The following GUCY1A2 variants were observed in gnomAD, a reference collection of about 807,000 sequenced individuals.
GUCY1A2 encodes the protein guanylate cyclase 1 soluble subunit alpha 2, also known as guanylate cyclase soluble subunit alpha-2.
A neutral mutation model predicts 63.5 loss-of-function variants in GUCY1A2; 27 were observed. The ratio of observed to expected loss-of-function variants is 0.43; its 90% confidence interval spans 0.31 to 0.59. GUCY1A2 has a LOEUF of 0.59. Ranked by LOEUF, GUCY1A2 falls within the 20% of genes least tolerant of loss-of-function variation. GUCY1A2 has a pLI of 0.11. For synonymous variants in GUCY1A2, 364 were observed against 343.5 expected (o/e 1.06, Z -0.66); for missense variants, 768 against 913.3 (o/e 0.84, Z 2.05).
At chr11:106,946,111 G>A (rs1860824788) in intron 3 of GUCY1A2, among the ~76,000 whole-genome samples, 1 of 152,214 alleles carries the variant, frequency 6.6e-6, no homozygotes, top group South Asian at 2.1e-4. Context: ...GGAGAAGGTA[G>A]AGAGGAGAAA....
At chr11:106,861,145 AG>A (rs1859506246) in intron 4 of GUCY1A2, among the ~76,000 whole-genome samples, 1 of 151,998 alleles carries the variant, frequency 6.6e-6, no homozygotes, top group Admixed American at 6.6e-5. Flanking sequence ...AGATAAACCC[AG>A]TCTCTAGTTT....
chr11:106,988,161 G>T (rs1470874074), intron 1 of GUCY1A2, among the ~76,000 whole-genome samples: 1 of 152,226 alleles, frequency 6.6e-6, no homozygotes. Flanking sequence ...AATCTAAAGA[G>T]AATGAATCAG....
chr11:106,882,268 G>A (rs1859834481), intron 4 of GUCY1A2, among the ~76,000 whole-genome samples: 1 of 152,018 alleles, frequency 6.6e-6, no homozygotes, highest in African/African-American at 2.4e-5. Flanking sequence ...AATTTGTAGA[G>A]ATGTGGAGAT....
chr11:106,769,941 T>C (rs914424650), intron 6 of GUCY1A2, among the ~76,000 whole-genome samples: 1 of 152,084 alleles, frequency 6.6e-6, no homozygotes, highest in Non-Finnish European at 1.5e-5. Flanking sequence ...CTTAGAAAAT[T>C]AATTAGGTTA....
intron 6 of GUCY1A2, among the ~76,000 whole-genome samples, chr11:106,712,830 CCT>C (rs1863143401): frequency 6.6e-6 from 1 of 152,158 alleles, no homozygotes; most frequent in Non-Finnish European, 1.5e-5. Context: ...TTTTCCAAGT[CCT>C]GTATAAGTGC....
intron 3 of GUCY1A2, among the ~76,000 whole-genome samples, chr11:106,970,566 C>G (rs746435959): frequency 1.3e-5 from 2 of 152,062 alleles, no homozygotes; most frequent in Non-Finnish European, 2.9e-5. Context: ...TGGCTAAAAT[C>G]TAAAAAATGG....
chr11:106,941,884 C>T (rs559459712), intron 3 of GUCY1A2, among the ~76,000 whole-genome samples: 2 of 152,218 alleles, frequency 1.3e-5, no homozygotes, highest in South Asian at 4.2e-4. Flanking sequence ...ATAAGCATTT[C>T]ATATTCATTT....
chr11:107,015,588 A>C (rs1194350803), intron 1 of GUCY1A2, among the ~76,000 whole-genome samples: 4 of 146,666 alleles, frequency 2.7e-5, no homozygotes, highest in Non-Finnish European at 5.9e-5. Flanking sequence ...AAAAAAAAAA[A>C]AAAAAAAAAA....
At chr11:106,975,393 T>G (rs1237463723) in intron 3 of GUCY1A2, among the ~76,000 whole-genome samples, 2 of 152,218 alleles carry the variant, frequency 1.3e-5, no homozygotes, top group African/African-American at 4.8e-5. Flanking sequence ...AAATAGGCTT[T>G]GCAGATTAGG....
At chr11:106,746,144 G>C (rs1168714668) in intron 6 of GUCY1A2, among the ~76,000 whole-genome samples, 4 of 151,990 alleles carry the variant, frequency 2.6e-5, no homozygotes, top group Non-Finnish European at 5.9e-5. Context: ...TCAGTGGCTA[G>C]CACCCAAGAG....
intron 4 of GUCY1A2, among the ~76,000 whole-genome samples, chr11:106,935,365 T>A (rs1364359160): frequency 6.6e-6 from 1 of 152,160 alleles, no homozygotes; most frequent in East Asian, 1.9e-4. Flanking sequence ...ATGCTAAGAA[T>A]TTTACATGGA....
chr11:106,799,140 T>C (rs1011596178), intron 5 of GUCY1A2, among the ~76,000 whole-genome samples: 3 of 152,072 alleles, frequency 2.0e-5, no homozygotes, highest in Admixed American at 1.3e-4. Context: ...GAGAGCTCCA[T>C]TCACAACTGC....
chr11:106,848,036 G>C (rs1249627255), intron 4 of GUCY1A2, among the ~76,000 whole-genome samples: 1 of 151,538 alleles, frequency 6.6e-6, no homozygotes. Context: ...TAACTTAATG[G>C]ATTCAGATCT....
At chr11:106,778,779 T>C (rs1363902616) in intron 5 of GUCY1A2, among the ~76,000 whole-genome samples, 1 of 152,194 alleles carries the variant, frequency 6.6e-6, no homozygotes, top group African/African-American at 2.4e-5. Context: ...ATTTGCTAAA[T>C]GAATAAGTCA....
intron 3 of GUCY1A2, among the ~76,000 whole-genome samples, chr11:106,949,972 T>G (rs758978485): frequency 4.6e-5 from 7 of 152,240 alleles, no homozygotes; most frequent in Admixed American, 2.6e-4. Context: ...TATGTAGTGA[T>G]AGAAATTCAT....
At chr11:106,936,811 AATAAAT>A (rs1259483826) in intron 4 of GUCY1A2, 8 of 617,950 alleles carry the variant, frequency 1.3e-5, no homozygotes, top group South Asian at 4.5e-5. Flanking sequence ...TAGAAGAAGG[AATAAAT>A]ATAAATTATT....
chr11:106,908,827 A>T (rs573651130), intron 4 of GUCY1A2, among the ~76,000 whole-genome samples: 1 of 152,180 alleles, frequency 6.6e-6, no homozygotes, highest in African/African-American at 2.4e-5. Context: ...GAAAACAAAA[A>T]TAAAAATGTA....
intron 5 of GUCY1A2, among the ~76,000 whole-genome samples, chr11:106,778,857 A>G (rs1222707237): frequency 1.3e-5 from 2 of 152,178 alleles, no homozygotes; most frequent in Non-Finnish European, 2.9e-5. Context: ...CATTCATTTT[A>G]TGAGCGCCAT....
At chr11:106,776,328 C>T in intron 6 of GUCY1A2, 111 bp downstream of exon 6, 1 of 803,270 alleles carries the variant, frequency 1.2e-6, no homozygotes. Context: ...CCTTAAGCAC[C>T]CAACTTGTCT....
Sources: allele counts gnomAD v4.1 joint callset (sites outside exome capture counted in the v4.1 genomes callset), GRCh38; gene constraint gnomAD v4.1.1; transcripts MANE v1.5; gene names NCBI Gene and HGNC (gene_info 2026-07-23, HGNC 2026-07-21).